Variants in PABPC4L observed in about 807,000 individuals in gnomAD.
PABPC4L encodes the protein poly(A) binding protein cytoplasmic 4 like.
For synonymous variants in PABPC4L, 169 were observed against 164.1 expected, an observed-to-expected ratio of 1.03 and a Z score of -0.23; for missense variants, 452 against 451.4, an observed-to-expected ratio of 1.00 and a Z score of -0.01.
the PABPC4L span, among the ~76,000 whole-genome samples, chr4:134,149,400 T>C: frequency 6.6e-6 from 1 of 152,308 alleles, no homozygotes; most frequent in South Asian, 2.1e-4. Context: ...ATCAACGGCA[T>C]GTGTCTAGCA....
At chr4:134,133,228 G>T in the PABPC4L span, among the ~76,000 whole-genome samples, 2 of 133,464 alleles carry the variant, frequency 1.5e-5, no homozygotes, top group African/African-American at 5.7e-5. Flanking sequence ...TTGTATATTA[G>T]ATATTTAATA....
chr4:134,187,805 T>C, the PABPC4L span, among the ~76,000 whole-genome samples: 1 of 152,140 alleles, frequency 6.6e-6, no homozygotes, highest in Non-Finnish European at 1.5e-5. Flanking sequence ...TTACTTTTAA[T>C]TTACTGTGAC....
the PABPC4L span, among the ~76,000 whole-genome samples, chr4:134,086,555 GA>G: frequency 6.6e-6 from 1 of 151,440 alleles, no homozygotes; most frequent in Non-Finnish European, 1.5e-5. Flanking sequence ...TTTTTCAAAA[GA>G]AATCTCATAT....
chr4:134,117,944 C>T, the PABPC4L span, among the ~76,000 whole-genome samples: 2 of 151,696 alleles, frequency 1.3e-5, no homozygotes, highest in Non-Finnish European at 2.9e-5. Flanking sequence ...AAAATAAAAG[C>T]AGCTTTGCTT....
At chr4:134,035,519 G>A in the PABPC4L span, among the ~76,000 whole-genome samples, 2 of 151,882 alleles carry the variant, frequency 1.3e-5, no homozygotes, top group Non-Finnish European at 2.9e-5. Flanking sequence ...AAATTTGTGT[G>A]CTTCATGTTT....
chr4:134,053,140 CTG>C, the PABPC4L span, among the ~76,000 whole-genome samples: 5 of 152,060 alleles, frequency 3.3e-5, no homozygotes, highest in Admixed American at 3.3e-4. Context: ...AGGAACAATT[CTG>C]TTGCTCACTT....
chr4:134,049,419 A>G, the PABPC4L span, among the ~76,000 whole-genome samples: 1 of 152,162 alleles, frequency 6.6e-6, no homozygotes, highest in Non-Finnish European at 1.5e-5. Context: ...CATACAATTG[A>G]GGAAAATGTC....
the PABPC4L span, among the ~76,000 whole-genome samples, chr4:134,078,043 G>A: frequency 6.6e-6 from 1 of 152,070 alleles, no homozygotes; most frequent in Non-Finnish European, 1.5e-5. Context: ...ATCAAACTAT[G>A]TACATAAAAA....
At chr4:134,088,612 G>C in the PABPC4L span, among the ~76,000 whole-genome samples, 1 of 151,986 alleles carries the variant, frequency 6.6e-6, no homozygotes, top group African/African-American at 2.4e-5. Context: ...CTTTATAAAA[G>C]GGCATGAGGG....
chr4:133,966,036 C>T, the PABPC4L span, among the ~76,000 whole-genome samples: 2 of 151,942 alleles, frequency 1.3e-5, no homozygotes, highest in Admixed American at 1.3e-4. Flanking sequence ...GCAGAAAAAC[C>T]ACAGAATGGG....
At chr4:133,990,232 T>G in the PABPC4L span, among the ~76,000 whole-genome samples, 1 of 152,212 alleles carries the variant, frequency 6.6e-6, no homozygotes, top group Non-Finnish European at 1.5e-5. Flanking sequence ...GACTCCATTT[T>G]TCCAAAAGCA....
chr4:134,199,777 T>C lies in PABPC4L; in HGVS notation c.*130A>G, dbSNP rs1729785029. On this transcript the variant is annotated 3_prime_UTR_variant, in exon 2 of 2. Coordinates refer to ENST00000421491, the MANE Select transcript of PABPC4L (RefSeq NM_001114734.2). ...AAATGGCTTTGTATAAAAAACGTTT[T>C]ATCATAAAGTTTACTAAACTAAGCA... 2 of 1,230,960 alleles carry C rather than the reference T, an allele frequency of 1.6e-6. No homozygotes were observed. The highest frequency in any genetic ancestry group is 1.6e-5 in the South Asian group (1 of 60,694). The allele number at this position is 1,230,960 out of a possible 1,614,324, so 76.3% of individuals were successfully genotyped here.
chr4:134,001,115 T>C, the PABPC4L span, among the ~76,000 whole-genome samples: 1 of 151,578 alleles, frequency 6.6e-6, no homozygotes, highest in East Asian at 1.9e-4. Flanking sequence ...TTTAGCAGAG[T>C]TTGTATTCAA....
the PABPC4L span, among the ~76,000 whole-genome samples, chr4:133,975,092 C>T: frequency 6.6e-6 from 1 of 151,850 alleles, no homozygotes; most frequent in South Asian, 2.1e-4. Flanking sequence ...GTGGAAACAA[C>T]AAAAATTTGT....
chr4:134,111,187 G>C, the PABPC4L span, among the ~76,000 whole-genome samples: 1 of 152,072 alleles, frequency 6.6e-6, no homozygotes, highest in African/African-American at 2.4e-5. Flanking sequence ...CAAGGCAGAA[G>C]GGGGAAAGGC....
the PABPC4L span, among the ~76,000 whole-genome samples, chr4:134,184,887 A>T: frequency 6.8e-6 from 1 of 146,082 alleles, no homozygotes; most frequent in Non-Finnish European, 1.5e-5. Context: ...GGCTATTCTA[A>T]TAAGTTTGTA....
At chr4:133,991,051 T>C in the PABPC4L span, among the ~76,000 whole-genome samples, 6 of 152,198 alleles carry the variant, frequency 3.9e-5, no homozygotes, top group Admixed American at 2.6e-4. Context: ...AGAGTACAGA[T>C]GTGTGCAGCA....
the PABPC4L span, among the ~76,000 whole-genome samples, chr4:134,133,531 G>C: frequency 6.7e-6 from 1 of 150,230 alleles, no homozygotes; most frequent in Non-Finnish European, 1.5e-5. Context: ...GGCATTTGCA[G>C]CAACTTGAAT....
chr4:133,976,894 T>A, the PABPC4L span, among the ~76,000 whole-genome samples: 2 of 151,794 alleles, frequency 1.3e-5, no homozygotes, highest in African/African-American at 4.8e-5. Flanking sequence ...GCAAAAATTT[T>A]CTCCCAGAAG....
Sources: allele counts gnomAD v4.1 joint callset (sites outside exome capture counted in the v4.1 genomes callset), GRCh38; gene constraint gnomAD v4.1.1; transcripts MANE v1.5; gene names NCBI Gene and HGNC (gene_info 2026-07-23, HGNC 2026-07-21).